The following MED27 variants were observed in gnomAD, a reference collection of about 807,000 sequenced individuals.
The protein encoded by MED27 is mediator complex subunit 27.
Under a neutral mutation model 38.2 loss-of-function variants are expected in MED27, and 30 were observed. The ratio of observed to expected loss-of-function variants is 0.79; its 90% CI spans 0.59 to 1.07. MED27 has a LOEUF of 1.07. MED27 is among the 50% of genes least tolerant of loss of function. The pLI, the probability that MED27 is intolerant of heterozygous loss-of-function variation, is 0.00. For missense variants in MED27, 289 were observed against 397.5 expected (o/e 0.73, Z 2.32); for synonymous variants, 122 against 153.5 (o/e 0.79, Z 1.52).
chr9:131,884,348 G>C (rs1257190496), intron 5 of MED27, among the ~76,000 whole-genome samples: 2 of 152,202 alleles, frequency 1.3e-5, no homozygotes, highest in Non-Finnish European at 2.9e-5. Flanking sequence ...CTGCTTCCAA[G>C]GCTCCTGCAA....
At chr9:132,066,834 TCTA>T (rs1227568729) in intron 2 of MED27, among the ~76,000 whole-genome samples, 1 of 152,166 alleles carries the variant, frequency 6.6e-6, no homozygotes. Flanking sequence ...TTGGGAATCT[TCTA>T]CTGCCAGAAA....
intron 6 of MED27, among the ~76,000 whole-genome samples, chr9:131,876,845 T>C (rs1238393479): frequency 6.6e-6 from 1 of 152,188 alleles, no homozygotes; most frequent in Non-Finnish European, 1.5e-5. Context: ...AGCGGCCCAT[T>C]TCCCTTTGCA....
In MED27 at chr9:131,861,235, T is replaced by A. The variant is rs557338289; in HGVS notation, c.802-563A>T. Among the ~76,000 whole-genome samples the A allele has an allele frequency of 6.6e-6, 1 of 152,192 alleles. No individual in the cohort carries two copies. The highest frequency in any genetic ancestry group is 2.4e-5 in the African/African-American group (1 of 41,528). On this transcript the variant is annotated intron_variant, in intron 7 of 7. Coordinates refer to ENST00000292035, the MANE Select transcript of MED27 (RefSeq NM_004269.4). This position sits in a 1 kb window ranked among gnomAD's most constrained non-coding sequence, Gnocchi z 4.4. ...GCCCTGGTGCCACCAAATAACATCA[T>A]AAGCAGCAAATCCACACTTGAATGG...
chr9:132,000,699 G>A (rs770541768), intron 3 of MED27, among the ~76,000 whole-genome samples: 5 of 151,830 alleles, frequency 3.3e-5, no homozygotes, highest in Non-Finnish European at 7.4e-5. Flanking sequence ...GCAACAATAT[G>A]GATGAATCTC....
At chr9:131,942,715 C>T (rs1830810700) in intron 3 of MED27, among the ~76,000 whole-genome samples, 1 of 152,092 alleles carries the variant, frequency 6.6e-6, no homozygotes. Flanking sequence ...CCTTAGGAGG[C>T]TAGAAAAATA....
chr9:132,068,049 T>C (rs994941603), intron 2 of MED27, among the ~76,000 whole-genome samples: 1 of 152,118 alleles, frequency 6.6e-6, no homozygotes, highest in Non-Finnish European at 1.5e-5. Context: ...TAAAAAGTTT[T>C]CATAATAAAA....
rs78746725 is a variant in MED27, at chr9:132,034,355, A to G, written c.349-19888T>C. 1.5e-3 allele frequency among the ~76,000 whole-genome samples: 223 copies of G among 152,350 alleles called. 1 individual carries two copies. The highest frequency in any genetic ancestry group is 5.2e-3 in the African/African-American group (218 of 41,570). ...AATTCATCAAAGTATGTCAGACTCA[A>G]GGACTGAGGGTCACTAAAGTCACCT... is the stretch of plus-strand genomic sequence containing the variant. On this transcript the variant is annotated intron_variant, in intron 2 of 7. Coordinates refer to ENST00000292035, the MANE Select transcript of MED27 (RefSeq NM_004269.4).
intron 2 of MED27, chr9:132,073,550 G>A (rs1833986146): frequency 7.3e-7 from 1 of 1,361,484 alleles, no homozygotes; most frequent in Non-Finnish European, 9.4e-7. Context: ...AATGTAAAAC[G>A]ATTCCAACCC....
intron 2 of MED27, among the ~76,000 whole-genome samples, chr9:132,064,049 C>T (rs1468359534): frequency 6.6e-6 from 1 of 152,220 alleles, no homozygotes; most frequent in African/African-American, 2.4e-5. Context: ...TTCAGTCTAT[C>T]TTGAAACTCA....
intron 2 of MED27, among the ~76,000 whole-genome samples, chr9:132,062,424 G>A: frequency 6.6e-6 from 1 of 152,180 alleles, no homozygotes; most frequent in Non-Finnish European, 1.5e-5. Flanking sequence ...TATTCGCCAT[G>A]CATAAAGTGA....
chr9:131,960,485 A>G (rs1298228068), intron 3 of MED27, among the ~76,000 whole-genome samples: 1 of 152,182 alleles, frequency 6.6e-6, no homozygotes, highest in African/African-American at 2.4e-5. Flanking sequence ...ATGATCCAGC[A>G]AAGAGTCTCT....
At chr9:132,042,501 G>A (rs1833240597) in intron 2 of MED27, among the ~76,000 whole-genome samples, 1 of 152,090 alleles carries the variant, frequency 6.6e-6, no homozygotes, top group African/African-American at 2.4e-5. Context: ...TACTGCCCAG[G>A]GACCTCTGGG....
intron 2 of MED27, among the ~76,000 whole-genome samples, chr9:132,070,294 G>A (rs985626433): frequency 1.3e-5 from 2 of 152,238 alleles, no homozygotes; most frequent in Non-Finnish European, 2.9e-5. Flanking sequence ...GGTGGCTCAT[G>A]CCTGTAATCC....
At chr9:132,068,173 A>T (rs1335438975) in intron 2 of MED27, among the ~76,000 whole-genome samples, 1 of 152,116 alleles carries the variant, frequency 6.6e-6, no homozygotes, top group East Asian at 1.9e-4. Context: ...TCAACAGGTC[A>T]TGTACAGAGA....
chr9:131,890,563 TTTGA>T (rs1394855744), intron 5 of MED27, among the ~76,000 whole-genome samples: 4 of 152,248 alleles, frequency 2.6e-5, no homozygotes, highest in Non-Finnish European at 5.9e-5. Context: ...ATTTCTCATT[TTTGA>T]TTCTCCACTT....
chr9:132,039,142 T>C (rs1833148365), intron 2 of MED27, among the ~76,000 whole-genome samples: 1 of 152,178 alleles, frequency 6.6e-6, no homozygotes, highest in Admixed American at 6.5e-5. Context: ...GTTAACGATT[T>C]CTAGATGGAG....
At chr9:131,945,197 C>T (rs925440659) in intron 3 of MED27, among the ~76,000 whole-genome samples, 1 of 149,300 alleles carries the variant, frequency 6.7e-6, no homozygotes, top group Non-Finnish European at 1.5e-5. Context: ...CAGAAGTGAA[C>T]ATAACTGAAA....
At chr9:131,864,150 C>T (rs1838697262) in intron 6 of MED27, among the ~76,000 whole-genome samples, 2 of 152,078 alleles carry the variant, frequency 1.3e-5, no homozygotes, top group Admixed American at 6.6e-5. Context: ...CATGATTGTC[C>T]TCATTAGGGA....
chr9:132,040,787 G>A (rs940800970), intron 2 of MED27, among the ~76,000 whole-genome samples: 4 of 152,210 alleles, frequency 2.6e-5, no homozygotes, highest in African/African-American at 4.8e-5. Context: ...CAGCACACAC[G>A]GCAGGATATT....
Sources: allele counts gnomAD v4.1 joint callset (sites outside exome capture counted in the v4.1 genomes callset), GRCh38; gene constraint gnomAD v4.1.1; non-coding constraint Gnocchi (gnomAD v3.1); transcripts MANE v1.5; gene names NCBI Gene and HGNC (gene_info 2026-07-23, HGNC 2026-07-21).